RTTN: variants seen among roughly 807,000 people sequenced by gnomAD.
RTTN encodes rotatin.
A neutral mutation model predicts 269.2 loss-of-function variants in RTTN; 182 were observed. The ratio of observed to expected loss-of-function variants is 0.68; its 90% CI spans 0.60 to 0.76. RTTN has a LOEUF of 0.76. Ranked by LOEUF, RTTN falls within the 30% of genes least tolerant of loss-of-function variation. RTTN has a pLI of 0.00. For synonymous variants in RTTN, 1,006 were observed against 963.5 expected, an observed-to-expected ratio of 1.04 and a Z score of -0.82; for missense variants, 2,545 against 2,608.6, an observed-to-expected ratio of 0.98 and a Z score of 0.53.
chr18:70,029,040 T>C (rs1489489403), intron 42 of RTTN, among the ~76,000 whole-genome samples: 3 of 151,972 alleles, frequency 2.0e-5, no homozygotes, highest in African/African-American at 7.3e-5. Context: ...GGAACTCGGA[T>C]ATATGATAGC....
intron 30 of RTTN, among the ~76,000 whole-genome samples, chr18:70,091,264 A>T (rs1189598256): frequency 1.3e-5 from 2 of 152,158 alleles, no homozygotes; most frequent in Non-Finnish European, 2.9e-5. Flanking sequence ...CAGGGATGGA[A>T]AACTATGAAC....
At chr18:70,205,587 G>A (rs764337286) in intron 1 of RTTN, 41 bp downstream of exon 1, 6 of 1,613,350 alleles carry the variant, frequency 3.7e-6, no homozygotes, top group Non-Finnish European at 4.2e-6. Flanking sequence ...AGTGGCCAGA[G>A]CGCGGGGGGT....
In RTTN at chr18:70,005,381, A is replaced by G. The variant is rs1465192589; in HGVS notation, c.6526-114T>C. Reference sequence around the variant, plus strand: ...TAAACAGAATATTATGAAATATAATAATATAACTAGAGAGTTCCATCTTAG... The same window carrying G: ...TAAACAGAATATTATGAAATATAATGATATAACTAGAGAGTTCCATCTTAG... On this transcript the variant is annotated intron_variant, in intron 47 of 48. Coordinates refer to ENST00000640769, the MANE Select transcript of RTTN (RefSeq NM_173630.4). 4 of 620,870 alleles carry G rather than the reference A, an allele frequency of 6.4e-6. No homozygotes were observed. In the South Asian group the frequency reaches 7.7e-5, roughly 12 times the overall value. The allele number at this position is 620,870 out of a possible 1,614,324, so 38.5% of individuals were successfully genotyped here.
intron 2 of RTTN, 21 bp from the exon 3 acceptor site, chr18:70,204,284 T>A: frequency 6.3e-7 from 1 of 1,585,090 alleles, no homozygotes; most frequent in Non-Finnish European, 8.6e-7. Flanking sequence ...AAGAGGATGA[T>A]CTTGAGAATA....
chr18:70,009,728 C>A (rs572596967), intron 46 of RTTN, among the ~76,000 whole-genome samples: 7 of 152,208 alleles, frequency 4.6e-5, no homozygotes, highest in African/African-American at 1.7e-4. Context: ...TCACATGTAA[C>A]AATATTAACC....
intron 14 of RTTN, among the ~76,000 whole-genome samples, chr18:70,156,851 G>A (rs906726164): frequency 2.0e-5 from 3 of 152,160 alleles, no homozygotes; most frequent in African/African-American, 2.4e-5. Context: ...TTAGTTCGCT[G>A]CCAGAAGTAG....
intron 40 of RTTN, among the ~76,000 whole-genome samples, chr18:70,044,649 T>C (rs930293): frequency 0.77 from 116,674 of 152,112 alleles, 50,553 homozygotes; most frequent in East Asian, 1. Context: ...AATTATGTGA[T>C]TGTGGCCTCT....
At position 70,190,596 on chromosome 18, in the gene RTTN, G is replaced by A; in HGVS notation, c.1131C>T (p.Leu377=). 1 of 1,613,982 alleles carries A rather than the reference G, an allele frequency of 6.2e-7. No homozygotes were observed. Among genetic ancestry groups the A allele is most frequent in the Non-Finnish European group, 8.5e-7 (1 of 1,179,848 alleles). Residue 377 remains leucine (L), a synonymous_variant, in exon 9 of 49, where the codon CTC becomes CTT. Coordinates refer to ENST00000640769, the MANE Select transcript of RTTN (RefSeq NM_173630.4). ...EDTLELQFQQ[L]SLPQFCVSIL... ...TGGAGACACAAAACTGGGGAAGACT[G>A]AGCTGCTGGAATTGTAGTTCCAATG...
In RTTN at chr18:70,103,032, G is replaced by A. The variant is rs367959767; in HGVS notation, c.3903+6466C>T. On this transcript the variant is annotated intron_variant, in intron 28 of 48. Transcript: ENST00000640769. ...GCGCCCCGTCTGGGAAGTGAGGAGC[G>A]CCTCTGCCCAGCTGTCCCGTCTGGG... Among the ~76,000 whole-genome samples, 764 of 145,386 alleles carry A rather than the reference G, an allele frequency of 5.3e-3. 6 individuals carry two copies. Among genetic ancestry groups the A allele is most frequent in the African/African-American group, 0.018 (702 of 38,612 alleles).
intron 40 of RTTN, among the ~76,000 whole-genome samples, chr18:70,032,307 A>C (rs1348628217): frequency 6.6e-6 from 1 of 152,192 alleles, no homozygotes. Context: ...GTACGGGCCC[A>C]TACGGTAGCT....
chr18:70,109,327 C>T (rs865908813), intron 28 of RTTN, among the ~76,000 whole-genome samples, 171 bp downstream of exon 28: 2 of 152,226 alleles, frequency 1.3e-5, no homozygotes, highest in Middle Eastern at 3.4e-3. Flanking sequence ...ATAAAAGTGA[C>T]CTTCCTTACT....
At chr18:70,186,234 A>C (rs1453281865) in intron 10 of RTTN, among the ~76,000 whole-genome samples, 1 of 152,264 alleles carries the variant, frequency 6.6e-6, no homozygotes, top group Admixed American at 6.5e-5. Context: ...ACAATGTAAT[A>C]CTACTCAGAA....
intron 23 of RTTN, chr18:70,131,016 A>C (rs2059984451): frequency 6.6e-6 from 1 of 152,036 alleles, no homozygotes; most frequent in Non-Finnish European, 1.5e-5. Context: ...AGAATGGGGA[A>C]CACAGTTCCT....
chr18:70,197,919 C>T (rs1360374753), intron 5 of RTTN, among the ~76,000 whole-genome samples, 181 bp from the exon 6 acceptor site: 1 of 152,160 alleles, frequency 6.6e-6, no homozygotes, highest in Non-Finnish European at 1.5e-5. Context: ...AGTGCTCCTT[C>T]CGTTTGTCCA....
rs2060465197 is a variant in RTTN, at chr18:70,148,915, TA to T, written c.2294del (p.Leu765GlnfsTer2). The T allele has an allele frequency of 6.2e-7, 1 of 1,613,350 alleles. No homozygotes were observed. The highest frequency in any genetic ancestry group is 1.3e-5 in the African/African-American group (1 of 74,884). ...TRLKSMLRLL[L>X]VKKPSVRSLA... ...GTTGTACTCACGATGGCTTTTTCAC[TA>T]GCAAAAGTCGCAGCATGGACTTTAA... On this transcript the variant is annotated frameshift_variant, in exon 17 of 49. Transcript: ENST00000640769. LOFTEE classifies it high-confidence loss of function.
intron 28 of RTTN, among the ~76,000 whole-genome samples, chr18:70,102,514 A>C (rs1393859775): frequency 1.3e-5 from 2 of 151,800 alleles, no homozygotes; most frequent in Non-Finnish European, 2.9e-5. Flanking sequence ...ATGGGTCTTG[A>C]CTCTTTATCC....
intron 3 of RTTN, 127 bp from the exon 4 acceptor site, chr18:70,202,110 G>GT (rs1291614336): frequency 1.4e-4 from 80 of 564,684 alleles, no homozygotes; most frequent in South Asian, 2.9e-4. Context: ...AAAAAGTCCA[G>GT]TTTTTTTTCT....
At chr18:70,127,234 T>C (rs1396645911) in intron 25 of RTTN, among the ~76,000 whole-genome samples, 1 of 152,226 alleles carries the variant, frequency 6.6e-6, no homozygotes, top group Non-Finnish European at 1.5e-5. Context: ...ATTTGTTTCA[T>C]CCATGTCTTA....
At chr18:70,163,498 T>C (rs939126310) in intron 14 of RTTN, among the ~76,000 whole-genome samples, 11 of 152,058 alleles carry the variant, frequency 7.2e-5, no homozygotes, top group African/African-American at 2.7e-4. Context: ...GTAGGGCAAT[T>C]CCTCAAAAAT....
Sources: allele counts gnomAD v4.1 joint callset (sites outside exome capture counted in the v4.1 genomes callset), GRCh38; gene constraint gnomAD v4.1.1; transcripts MANE v1.5; gene names NCBI Gene and HGNC (gene_info 2026-07-23, HGNC 2026-07-21).